The following TRAK1 variants were observed in gnomAD, a reference collection of about 807,000 sequenced individuals.
TRAK1 encodes the protein trafficking kinesin protein 1, also known as trafficking kinesin-binding protein 1.
A neutral mutation model predicts 92.1 loss-of-function variants in TRAK1; 33 were observed. The observed-to-expected ratio is 0.36, with a 90% confidence interval of 0.27 to 0.48. The LOEUF (loss-of-function observed/expected upper bound fraction) is 0.48. Among genes scored for constraint, TRAK1 ranks in the 20% least tolerant of loss-of-function variants. The pLI, the probability that TRAK1 is intolerant of heterozygous loss-of-function variation, is 0.99. For synonymous variants in TRAK1, 521 were observed against 517.3 expected (o/e 1.01, Z -0.10); for missense variants, 1,123 against 1,257.9 (o/e 0.89, Z 1.62).
At chr3:42,217,812 G>T (rs1709888471) in intron 14 of TRAK1, 11 of 985,252 alleles carry the variant, frequency 1.1e-5, no homozygotes, top group Non-Finnish European at 1.3e-5. Context: ...ATTGCGGGAA[G>T]AGAATCGTGA....
Position 42,125,436 on chromosome 3 carries a change from C to T in TRAK1, c.108C>T (p.Thr36=), listed in dbSNP as rs35816590. Residue 36 remains threonine (T), a synonymous_variant, in exon 2 of 16, where the codon ACC becomes ACT. Coordinates refer to ENST00000327628, the MANE Select transcript of TRAK1 (RefSeq NM_001042646.3). ...RTNACDVCNS[T]DLPEVEIISL... ...TGTCTTTAGATGTGTGCAACAGCAC[C>T]GATCTTCCGGAAGTCGAGATCATTA... is the stretch of plus-strand genomic sequence containing the variant. The T allele has an allele frequency of 1.8e-5, 29 of 1,613,906 alleles. No individual in the cohort carries two copies. The highest frequency in any genetic ancestry group is 1.8e-4 in the East Asian group (8 of 44,886).
intron 1 of TRAK1, among the ~76,000 whole-genome samples, chr3:42,112,756 A>C (rs1708619558): frequency 6.9e-6 from 1 of 145,328 alleles, no homozygotes; most frequent in African/African-American, 2.6e-5. Flanking sequence ...AAAAAAAAAA[A>C]CCAACTAATT....
intron 14 of TRAK1, among the ~76,000 whole-genome samples, chr3:42,214,598 C>A (rs1443693837): frequency 6.6e-6 from 1 of 152,242 alleles, no homozygotes. Context: ...TCTTAAATCA[C>A]ATACTTTTCA....
rs530695420 is a variant in TRAK1 at position 42,202,662 on chromosome 3, C to T, written c.1654C>T (p.Arg552Cys). ...ESIMSLGTHS[R>C]FSEFTGFSGM... is the part of the protein sequence containing the mutation. ...CATCATGTCCCTGGGCACGCACTCCCGCTTCTCCGAGTTCACCGGCTTCTC... is the reference window on the plus strand; with the variant it reads ...CATCATGTCCCTGGGCACGCACTCCTGCTTCTCCGAGTTCACCGGCTTCTC... The change falls in exon 13 of 16, where the codon CGC becomes TGC. Residue 552 changes from arginine (R) to cysteine (C), a missense_variant. Physicochemically the swap from Arg to Cys is radical, Grantham distance 180. Transcript: ENST00000327628. This position sits in a 1 kb window ranked among gnomAD's most constrained non-coding sequence, Gnocchi z 6.1. 1.8e-5 allele frequency: 29 copies of T among 1,613,450 alleles called. No individual in the cohort carries two copies. The highest frequency in any genetic ancestry group is 1.7e-4 in the Middle Eastern group (1 of 6,060).
intron 1 of TRAK1, among the ~76,000 whole-genome samples, chr3:42,101,232 C>G (rs1185155576): frequency 6.6e-6 from 1 of 152,232 alleles, no homozygotes; most frequent in African/African-American, 2.4e-5. Context: ...TAGAGCCTCC[C>G]ACTGGACATG....
At chr3:42,116,453 T>C (rs1000458607) in intron 1 of TRAK1, among the ~76,000 whole-genome samples, 9 of 152,244 alleles carry the variant, frequency 5.9e-5, no homozygotes, top group African/African-American at 2.2e-4. Flanking sequence ...TAGAAGGTTG[T>C]CTGTCAGATA....
At chr3:42,111,495 A>G (rs1415384966) in intron 1 of TRAK1, among the ~76,000 whole-genome samples, 3 of 151,556 alleles carry the variant, frequency 2.0e-5, no homozygotes, top group Non-Finnish European at 4.4e-5. Context: ...TCCCGGGTTC[A>G]CAACATTACC....
At chr3:42,188,982 T>A in intron 5 of TRAK1, 34 bp from the exon 6 acceptor site, 1 of 1,497,458 alleles carries the variant, frequency 6.7e-7, no homozygotes. Context: ...AGGAAATGCG[T>A]CTCCCTAGGT....
At chr3:42,222,844 TG>T in intron 15 of TRAK1, 97 bp from the exon 16 acceptor site, 1 of 1,322,452 alleles carries the variant, frequency 7.6e-7, no homozygotes, top group Non-Finnish European at 1.1e-6. Flanking sequence ...CATCGTGTCC[TG>T]GGTCGTCCCT....
intron 1 of TRAK1, among the ~76,000 whole-genome samples, chr3:42,022,897 A>C (rs997908233): frequency 6.6e-6 from 1 of 151,138 alleles, no homozygotes; most frequent in Non-Finnish European, 1.5e-5. Flanking sequence ...AGTGGCTCAC[A>C]CCTGTAATCC....
chr3:42,182,377 C>T (rs1193194062), intron 3 of TRAK1, among the ~76,000 whole-genome samples: 1 of 151,776 alleles, frequency 6.6e-6, no homozygotes, highest in East Asian at 1.9e-4. Context: ...TGAGTGAGCC[C>T]CGCCTCCTGG....
chr3:42,140,248 TG>T (rs1226771207), intron 2 of TRAK1, among the ~76,000 whole-genome samples: 2 of 152,052 alleles, frequency 1.3e-5, no homozygotes, highest in African/African-American at 2.4e-5. Flanking sequence ...GGAGATGGTT[TG>T]GGAGGGGGTA....
intron 15 of TRAK1, chr3:42,220,518 G>T: frequency 1.0e-6 from 1 of 985,442 alleles, no homozygotes; most frequent in South Asian, 4.7e-5. Context: ...GGAGGACGAC[G>T]AAGCAGCCAT....
At chr3:42,016,919 T>A (rs1701548660) in intron 1 of TRAK1, among the ~76,000 whole-genome samples, 1 of 152,186 alleles carries the variant, frequency 6.6e-6, no homozygotes, top group African/African-American at 2.4e-5. Context: ...TAAAGTACCA[T>A]GACCAGCCTC....
intron 1 of TRAK1, among the ~76,000 whole-genome samples, chr3:42,106,126 A>T (rs1707530526): frequency 6.6e-6 from 1 of 152,202 alleles, no homozygotes; most frequent in South Asian, 2.1e-4. Flanking sequence ...GAGCAAAATA[A>T]CCAGCTAACA....
intron 1 of TRAK1, among the ~76,000 whole-genome samples, chr3:42,121,405 G>A (rs923273677): frequency 6.6e-5 from 10 of 151,994 alleles, no homozygotes; most frequent in African/African-American, 2.2e-4. Context: ...GACTACAGGC[G>A]CCCACCACTG....
chr3:42,089,161 T>C (rs536537116), upstream of TRAK1, among the ~76,000 whole-genome samples: 2 of 152,336 alleles, frequency 1.3e-5, no homozygotes, highest in East Asian at 3.9e-4. Flanking sequence ...TTCTAGTTGC[T>C]CAGGCCAAGA....
chr3:42,112,875 A>T (rs1055618375), intron 1 of TRAK1, among the ~76,000 whole-genome samples: 1 of 151,464 alleles, frequency 6.6e-6, no homozygotes, highest in Non-Finnish European at 1.5e-5. Context: ...TGCTCAAGGG[A>T]TCCTCTTGTC....
chr3:42,096,546 G>T (rs573481047), intron 1 of TRAK1, among the ~76,000 whole-genome samples: 1 of 152,194 alleles, frequency 6.6e-6, no homozygotes, highest in African/African-American at 2.4e-5. Context: ...GAGCCACCGC[G>T]CATGGCCAAA....
Sources: allele counts gnomAD v4.1 joint callset (sites outside exome capture counted in the v4.1 genomes callset), GRCh38; gene constraint gnomAD v4.1.1; non-coding constraint Gnocchi (gnomAD v3.1); transcripts MANE v1.5; gene names NCBI Gene and HGNC (gene_info 2026-07-23, HGNC 2026-07-21).